The following CSE1L variants were observed in gnomAD, a reference collection of about 807,000 sequenced individuals.
CSE1L encodes the protein exportin-2.
CSE1L carries 24 observed loss-of-function variants against 120.4 expected under a neutral mutation model. That is an observed-to-expected ratio of 0.20 (90% confidence interval 0.14 to 0.28). CSE1L has a LOEUF of 0.28. Ranked by LOEUF, CSE1L falls within the 10% of genes least tolerant of loss-of-function variation. The probability of loss-of-function intolerance (pLI) is 1.00; values close to 1 mark genes in which losing one functional copy is unlikely to be tolerated. For synonymous variants in CSE1L, 402 were observed against 398.3 expected (o/e 1.01, Z -0.11); for missense variants, 830 against 1,145.2 (o/e 0.72, Z 3.97).
chr20:49,090,864 A>C lies in CSE1L; in HGVS notation c.2279+25A>C. Reference sequence around the variant, plus strand: ...CGTGAGTATGACTAGAACTTTGTGCATTTATTTAGAAATTTTGTTAGGTGC... The same window carrying C: ...CGTGAGTATGACTAGAACTTTGTGCCTTTATTTAGAAATTTTGTTAGGTGC... On this transcript the variant is annotated intron_variant, in intron 20 of 24. Coordinates refer to ENST00000262982, the MANE Select transcript of CSE1L (RefSeq NM_001316.4). 4 of 1,605,254 alleles carry C rather than the reference A, an allele frequency of 2.5e-6. No homozygotes were observed. The South Asian group carries it at 3.3e-5, about 13-fold the overall frequency.
intron 1 of CSE1L, among the ~76,000 whole-genome samples, chr20:49,055,322 A>G (rs1054719465): frequency 6.6e-6 from 1 of 152,208 alleles, no homozygotes; most frequent in East Asian, 1.9e-4. Context: ...TAAAGGGTAT[A>G]TAGGCCTGTA....
chr20:49,089,509 C>G, intron 18 of CSE1L, 29 bp from the exon 19 acceptor site: 2 of 1,611,224 alleles, frequency 1.2e-6, no homozygotes, highest in South Asian at 1.1e-5. Flanking sequence ...TTCTGAAGCT[C>G]ACAGCTCTGT....
intron 16 of CSE1L, among the ~76,000 whole-genome samples, chr20:49,086,911 G>A (rs1218755094): frequency 6.6e-6 from 1 of 152,210 alleles, no homozygotes; most frequent in Admixed American, 6.5e-5. Flanking sequence ...AACGTTAGGT[G>A]TGAGGGATAG....
chr20:49,067,872 A>T (rs1468642488), intron 6 of CSE1L, among the ~76,000 whole-genome samples: 3 of 149,134 alleles, frequency 2.0e-5, no homozygotes, highest in Non-Finnish European at 4.4e-5. Flanking sequence ...AGTAGCTGGG[A>T]CTACAGGTGC....
chr20:49,053,836 A>G (rs746239505), intron 1 of CSE1L, among the ~76,000 whole-genome samples: 1 of 152,062 alleles, frequency 6.6e-6, no homozygotes, highest in Non-Finnish European at 1.5e-5. Flanking sequence ...CTACAGGGCC[A>G]CACCACCACG....
intron 1 of CSE1L, among the ~76,000 whole-genome samples, chr20:49,048,146 CTTTTTTT>C (rs34878925): frequency 2.0e-4 from 26 of 128,720 alleles, no homozygotes; most frequent in African/African-American, 7.2e-4. Context: ...GTGTCTCTCT[CTTTTTTT>C]TTTTTTTTTT....
intron 5 of CSE1L, among the ~76,000 whole-genome samples, chr20:49,066,738 A>ATTTT (rs1326494322): frequency 3.3e-5 from 5 of 152,000 alleles, no homozygotes; most frequent in Non-Finnish European, 7.4e-5. Context: ...TCCCTTTAAA[A>ATTTT]AGAAAACTGG....
intron 1 of CSE1L, among the ~76,000 whole-genome samples, chr20:49,048,034 TC>T (rs1208683693): frequency 1.3e-5 from 2 of 152,166 alleles, no homozygotes; most frequent in Admixed American, 6.5e-5. Flanking sequence ...GTATTATTCT[TC>T]CTTGGAGGCA....
intron 1 of CSE1L, among the ~76,000 whole-genome samples, chr20:49,049,361 T>A (rs1345272686): frequency 6.6e-6 from 1 of 152,062 alleles, no homozygotes; most frequent in Non-Finnish European, 1.5e-5. Flanking sequence ...TTTTTATTTT[T>A]TTTTTGTAGA....
rs764119291 is a variant in CSE1L at position 49,094,946 on chromosome 20, A to G, written c.2809A>G (p.Thr937Ala). 2.5e-6 allele frequency: 4 copies of G among 1,614,040 alleles called. No individual in the cohort carries two copies. The highest frequency in any genetic ancestry group is 3.4e-6 in the Non-Finnish European group (4 of 1,179,962). The change falls in exon 24 of 25, where the codon ACC becomes GCC. Residue 937 changes from threonine (T) to alanine (A), a missense_variant. By Grantham distance (58) the Thr-to-Ala change is moderately conservative. This residue lies in a region of CSE1L where 112 missense variants were observed against 200.0 expected (regional missense o/e 0.56). Transcript: ENST00000262982. ...GGCACAGTCACTTCACAAGTTGTCT[A>G]CCGCCTGTCCAGGAAGGGTAAGTGT... ...HLAQSLHKLSTACPGRVPSMV... is the reference protein window; with the variant it reads ...HLAQSLHKLSAACPGRVPSMV...
Position 49,054,138 on chromosome 20 carries a change from C to T in CSE1L, c.-11-4315C>T, listed in dbSNP as rs74405926. Among the ~76,000 whole-genome samples the T allele has an allele frequency of 9.0e-3, 1,375 of 152,306 alleles. 9 individuals carry two copies. The highest frequency in any genetic ancestry group is 0.015 in the Non-Finnish European group (992 of 68,016). Reference sequence around the variant, plus strand: ...GTGGTTTAATGGGACTTGATTTTCACACCTATAGAGTGGAACACCTGGATT... The same window carrying T: ...GTGGTTTAATGGGACTTGATTTTCATACCTATAGAGTGGAACACCTGGATT... On this transcript the variant is annotated intron_variant, in intron 1 of 24. Coordinates refer to ENST00000262982, the MANE Select transcript of CSE1L (RefSeq NM_001316.4).
intron 12 of CSE1L, among the ~76,000 whole-genome samples, chr20:49,075,924 C>T (rs576338610): frequency 6.6e-6 from 1 of 152,104 alleles, no homozygotes; most frequent in South Asian, 2.1e-4. Flanking sequence ...CTCCACCTCC[C>T]GAGTTCGAGC....
At chr20:49,078,424 T>C in intron 13 of CSE1L, 137 bp from the exon 14 acceptor site, 1 of 581,256 alleles carries the variant, frequency 1.7e-6, no homozygotes, top group South Asian at 2.1e-5. Flanking sequence ...AATGACTAAA[T>C]AGTAAATCAT....
intron 1 of CSE1L, among the ~76,000 whole-genome samples, chr20:49,047,414 C>G (rs1287278523): frequency 6.6e-6 from 1 of 151,834 alleles, no homozygotes; most frequent in Non-Finnish European, 1.5e-5. Context: ...AGGGTTATTC[C>G]GATTTAAAAT....
At chr20:49,077,102 A>G (rs1568778099) in intron 13 of CSE1L, 38 bp downstream of exon 13, 1 of 1,258,760 alleles carries the variant, frequency 7.9e-7, no homozygotes, top group Non-Finnish European at 1.1e-6. Flanking sequence ...ACAGCTTGCC[A>G]CACTATACCT....
At position 49,088,082 on chromosome 20, in the gene CSE1L, A is replaced by T. The variant is rs2092073819; in HGVS notation, c.1797A>T (p.Thr599=). ...PYIPTLITQL[T]QKLLAVSKNP... Reference sequence around the variant, plus strand: ...TCCCTACTCTCATCACTCAGCTTACACAGAAGCTATTAGCTGTTAGTAAGG... The same window carrying T: ...TCCCTACTCTCATCACTCAGCTTACTCAGAAGCTATTAGCTGTTAGTAAGG... Residue 599 remains threonine, a synonymous_variant, in exon 17 of 25, where the codon ACA becomes ACT. Coordinates refer to ENST00000262982, the MANE Select transcript of CSE1L (RefSeq NM_001316.4). 1 of 1,611,992 alleles carries T rather than the reference A, an allele frequency of 6.2e-7. No individual in the cohort carries two copies. The highest frequency in any genetic ancestry group is 1.7e-5 in the Admixed American group (1 of 59,700).
chr20:49,090,309 G>T (rs993894675), intron 19 of CSE1L, among the ~76,000 whole-genome samples: 1 of 152,100 alleles, frequency 6.6e-6, no homozygotes, highest in Admixed American at 6.6e-5. Context: ...TGTAATCTCA[G>T]CACTTTGGGA....
chr20:49,082,072 A>G (rs373789989), intron 14 of CSE1L, among the ~76,000 whole-genome samples: 1 of 151,942 alleles, frequency 6.6e-6, no homozygotes, highest in African/African-American at 2.4e-5. Flanking sequence ...TGCAAAAATT[A>G]TTTAGTATTA....
In CSE1L at chr20:49,094,942, G is replaced by A; in HGVS notation, c.2805G>A (p.Leu935=). 1 of 1,614,068 alleles carries A rather than the reference G, an allele frequency of 6.2e-7. No individual in the cohort carries two copies. Among genetic ancestry groups the A allele is most frequent in the Non-Finnish European group, 8.5e-7 (1 of 1,179,990 alleles). ...KIHLAQSLHK[L]STACPGRVPS... is the part of the protein sequence containing the mutation. ...ACCTGGCACAGTCACTTCACAAGTT[G>A]TCTACCGCCTGTCCAGGAAGGGTAA... Residue 935 remains leucine (L), a synonymous_variant, in exon 24 of 25, where the codon TTG becomes TTA. Coordinates refer to ENST00000262982, the MANE Select transcript of CSE1L (RefSeq NM_001316.4).
Sources: allele counts gnomAD v4.1 joint callset (sites outside exome capture counted in the v4.1 genomes callset), GRCh38; gene constraint gnomAD v4.1.1; regional missense constraint gnomAD v4.1.1; transcripts MANE v1.5; gene names NCBI Gene and HGNC (gene_info 2026-07-23, HGNC 2026-07-21).